The following KATNAL2 variants were observed in gnomAD, a reference collection of about 807,000 sequenced individuals.
KATNAL2 encodes katanin catalytic subunit A1 like 2, also known as katanin p60 ATPase-containing subunit A-like 2.
A neutral mutation model predicts 76.3 loss-of-function variants in KATNAL2; 52 were observed. That is an observed-to-expected ratio of 0.68 (90% CI 0.55 to 0.86). The LOEUF (loss-of-function observed/expected upper bound fraction) is 0.86, where lower values mean the gene tolerates loss of function less well. KATNAL2 is among the 40% of genes least tolerant of loss of function. KATNAL2 has a pLI of 0.00. For missense variants in KATNAL2, 660 were observed against 668.9 expected, an observed-to-expected ratio of 0.99 and a Z score of 0.15; for synonymous variants, 243 against 244.2, an observed-to-expected ratio of 1.00 and a Z score of 0.05.
At chr18:46,935,685 A>C (rs1432160878) in intron 1 of KATNAL2, among the ~76,000 whole-genome samples, 1 of 152,152 alleles carries the variant, frequency 6.6e-6, no homozygotes, top group Non-Finnish European at 1.5e-5. Flanking sequence ...TGGGAGGGTG[A>C]GGTAGGCGGA....
intron 1 of KATNAL2, among the ~76,000 whole-genome samples, chr18:46,934,645 T>G (rs1026220153): frequency 6.6e-6 from 1 of 152,204 alleles, no homozygotes; most frequent in African/African-American, 2.4e-5. Context: ...AGAAGCTCTT[T>G]AGTTTAATTA....
intron 6 of KATNAL2, among the ~76,000 whole-genome samples, chr18:47,056,505 G>A (rs2061475475): frequency 6.6e-6 from 1 of 152,168 alleles, no homozygotes; most frequent in African/African-American, 2.4e-5. Flanking sequence ...TGCAGGAACA[G>A]GCTTCAGTTC....
At chr18:47,059,520 C>A in intron 7 of KATNAL2, 36 bp from the exon 8 acceptor site, 1 of 1,443,194 alleles carries the variant, frequency 6.9e-7, no homozygotes, top group South Asian at 1.1e-5. Flanking sequence ...TCCATGGCTG[C>A]TCACAGCCGA....
intron 15 of KATNAL2, among the ~76,000 whole-genome samples, chr18:47,090,113 CT>C (rs941512813): frequency 1.3e-4 from 19 of 148,134 alleles, no homozygotes; most frequent in Non-Finnish European, 1.3e-4. Flanking sequence ...AGTATTTCTT[CT>C]TTTTTTTTTT....
At chr18:46,936,869 C>T (rs992898022) in intron 1 of KATNAL2, among the ~76,000 whole-genome samples, 2 of 152,204 alleles carry the variant, frequency 1.3e-5, no homozygotes, top group East Asian at 1.9e-4. Context: ...GCAGGAGATT[C>T]GCTTGAACCC....
At chr18:47,088,109 G>T (rs1386751299) in intron 15 of KATNAL2, among the ~76,000 whole-genome samples, 2 of 152,138 alleles carry the variant, frequency 1.3e-5, no homozygotes, top group South Asian at 2.1e-4. Flanking sequence ...TTATTAAAAG[G>T]TTTTTTATTC....
chr18:46,920,083 C>T (rs1203203584), intron 1 of KATNAL2: 1 of 1,289,590 alleles, frequency 7.8e-7, no homozygotes, highest in African/African-American at 1.5e-5. Flanking sequence ...GTAGTTGCTT[C>T]CCAGCATTCA....
intron 4 of KATNAL2, among the ~76,000 whole-genome samples, chr18:47,048,781 C>A (rs2147073288): frequency 6.7e-6 from 1 of 149,346 alleles, no homozygotes; most frequent in South Asian, 2.1e-4. Flanking sequence ...GGCTTGTTGT[C>A]ATAGGGACGG....
chr18:46,917,596 G>A, upstream of KATNAL2: 2 of 1,026,598 alleles, frequency 1.9e-6, no homozygotes, highest in Non-Finnish European at 2.3e-6. Flanking sequence ...TTCCGCCCGC[G>A]CCTTCAGTCC....
intron 15 of KATNAL2, among the ~76,000 whole-genome samples, chr18:47,080,119 T>C (rs2147275127): frequency 6.6e-6 from 1 of 152,362 alleles, no homozygotes; most frequent in African/African-American, 2.4e-5. Flanking sequence ...TAAGGTTATT[T>C]GGTAACCCTG....
At chr18:47,069,398 T>G in intron 12 of KATNAL2, 84 bp from the exon 13 acceptor site, 2 of 1,373,036 alleles carry the variant, frequency 1.5e-6, no homozygotes, top group Non-Finnish European at 2.0e-6. Context: ...GTCACTTCCT[T>G]CCTTGTGTGT....
intron 1 of KATNAL2, among the ~76,000 whole-genome samples, chr18:46,934,608 C>T (rs1475349231): frequency 6.6e-6 from 1 of 152,188 alleles, no homozygotes; most frequent in Non-Finnish European, 1.5e-5. Context: ...TGCCTGTTCA[C>T]TCTGATGCTA....
chr18:47,025,502 AGTGTGTGTGTGTGTGTGTGTGTGTGT>A (rs139200050), intron 3 of KATNAL2, among the ~76,000 whole-genome samples: 14 of 144,730 alleles, frequency 9.7e-5, no homozygotes, highest in African/African-American at 3.3e-4. Flanking sequence ...TCTCTCTCTC[AGTGTGTGTGTGTGTGTGTGTGTGTGT>A]GTGTGTGTGT....
At chr18:46,935,777 A>G (rs2059071493) in intron 1 of KATNAL2, among the ~76,000 whole-genome samples, 3 of 152,070 alleles carry the variant, frequency 2.0e-5, no homozygotes, top group Admixed American at 6.6e-5. Flanking sequence ...TTAGCCAGGC[A>G]TGGTGGTGTG....
intron 1 of KATNAL2, among the ~76,000 whole-genome samples, chr18:46,921,242 C>T (rs1372664687): frequency 1.3e-5 from 2 of 152,184 alleles, no homozygotes; most frequent in Non-Finnish European, 2.9e-5. Flanking sequence ...AATTCTCTGC[C>T]TCAGCCTCCC....
intron 3 of KATNAL2, among the ~76,000 whole-genome samples, chr18:46,955,098 C>T (rs1490454088): frequency 2.8e-5 from 3 of 105,750 alleles, no homozygotes; most frequent in Admixed American, 8.6e-5. Context: ...TCCCTTCCTC[C>T]CTCCCTCCCT....
At chr18:47,039,104 C>A (rs1250952206) in intron 3 of KATNAL2, among the ~76,000 whole-genome samples, 2 of 152,094 alleles carry the variant, frequency 1.3e-5, no homozygotes, top group Non-Finnish European at 2.9e-5. Context: ...CAAAATATTG[C>A]ATATAATGAT....
At position 46,919,060 on chromosome 18, in the gene KATNAL2, T is replaced by C. The variant is rs529676767; in HGVS notation, c.-510+1134T>C. 7.9e-5 allele frequency among the ~76,000 whole-genome samples: 12 copies of C among 151,402 alleles called. No homozygotes were observed. The South Asian group carries it at 2.3e-3, about 29-fold the overall frequency. On this transcript the variant is annotated intron_variant, in intron 1 of 17. Transcript: ENST00000683218. ...TGTATATATACACAACACACACACA[T>C]ATTGTTTTGGCCAGGTGCAGTGGCT...
intron 6 of KATNAL2, among the ~76,000 whole-genome samples, chr18:47,056,779 A>G (rs1050850353): frequency 1.3e-5 from 2 of 152,154 alleles, no homozygotes; most frequent in Non-Finnish European, 2.9e-5. Context: ...CAGCTCCACA[A>G]GGATGGTGAG....
Sources: gnomAD v4.1 joint callset for allele counts (sites outside exome capture counted in the v4.1 genomes callset) on GRCh38, gnomAD v4.1.1 for gene constraint, MANE v1.5 for transcripts, NCBI Gene and HGNC (gene_info 2026-07-23, HGNC 2026-07-21) for gene names.